Variants in KIF1A observed in about 807,000 individuals in gnomAD.
The protein encoded by KIF1A is kinesin family member 1A.
KIF1A carries 46 observed loss-of-function variants against 227.3 expected under a neutral mutation model. The ratio of observed to expected loss-of-function variants is 0.20; its 90% CI spans 0.16 to 0.26. The LOEUF is 0.26. KIF1A is among the 10% of genes least tolerant of loss of function. The pLI is 1.00. For missense variants in KIF1A, 1,683 were observed against 2,485.9 expected, an observed-to-expected ratio of 0.68 and a Z score of 6.87; for synonymous variants, 1,022 against 1,012.8, an observed-to-expected ratio of 1.01 and a Z score of -0.17.
intron 14 of KIF1A, chr2:240,771,392 T>G: frequency 4.2e-6 from 2 of 472,634 alleles, no homozygotes; most frequent in Non-Finnish European, 3.9e-6. Flanking sequence ...TGGCGCGCAC[T>G]TGCCCGCCTG....
chr2:240,753,103 A>G (rs930018349), intron 27 of KIF1A, among the ~76,000 whole-genome samples: 1 of 152,192 alleles, frequency 6.6e-6, no homozygotes, highest in African/African-American at 2.4e-5. Flanking sequence ...CACAAAGGTG[A>G]CCCACCAACT....
rs183665052 is a variant in KIF1A at position 240,746,571 on chromosome 2, G to A, written c.3064-394C>T. Among the ~76,000 whole-genome samples the A allele has an allele frequency of 4.3e-4, 65 of 152,338 alleles. 1 individual carries two copies. The highest frequency in any genetic ancestry group is 7.8e-4 in the Non-Finnish European group (53 of 68,040). On this transcript the variant is annotated intron_variant, in intron 29 of 48. Transcript: ENST00000498729. Reference sequence around the variant, plus strand: ...ACTGACAGCCCCTCCAAGAGAAAAGGCATTGGGCAGACAGACCACCCTCGC... The same window carrying A: ...ACTGACAGCCCCTCCAAGAGAAAAGACATTGGGCAGACAGACCACCCTCGC...
intron 44 of KIF1A, 23 bp from the exon 45 acceptor site, chr2:240,721,061 A>AG: frequency 6.2e-7 from 1 of 1,610,280 alleles, no homozygotes; most frequent in Non-Finnish European, 8.5e-7. Context: ...GGCCTTTTTC[A>AG]GGGGACACAG....
chr2:240,782,161 C>A, intron 10 of KIF1A: 1 of 985,392 alleles, frequency 1.0e-6, no homozygotes, highest in Non-Finnish European at 1.2e-6. Context: ...ACCTCCGACT[C>A]CACACGCGCC....
intron 14 of KIF1A, among the ~76,000 whole-genome samples, chr2:240,771,476 C>A (rs890626655): frequency 6.6e-6 from 1 of 152,116 alleles, no homozygotes; most frequent in African/African-American, 2.4e-5. Context: ...GCACCCCCTG[C>A]GCCAGGCTTC....
At position 240,726,852 on chromosome 2, in the gene KIF1A, A is replaced by G. The variant is rs2125632818; in HGVS notation, c.4096T>C (p.Tyr1366His). Residue 1366 changes from tyrosine to histidine, a missense_variant, in exon 39 of 49, where the codon TAC becomes CAC. Physicochemically the swap from Tyr to His is moderately conservative, Grantham distance 83. Coordinates refer to ENST00000498729, the MANE Select transcript of KIF1A (RefSeq NM_001244008.2). The surrounding 1 kb of genome is among the most constrained non-coding windows in gnomAD (Gnocchi z 5.2). ...NRVTPYREKIYMTLSAYIEME... is the reference protein window; with the variant it reads ...NRVTPYREKIHMTLSAYIEME... ...TCGATATAAGCGGAGAGTGTCATGT[A>G]GATTTTCTCTCGATAAGGGGTGACC... 2 of 1,611,492 alleles carry G rather than the reference A, an allele frequency of 1.2e-6. No individual in the cohort carries two copies. The highest frequency in any genetic ancestry group is 1.7e-6 in the Non-Finnish European group (2 of 1,178,554).
chr2:240,819,606 G>C (rs1259776888), intron 1 of KIF1A, among the ~76,000 whole-genome samples: 1 of 150,816 alleles, frequency 6.6e-6, no homozygotes, highest in Non-Finnish European at 1.5e-5. Context: ...CGCCCTGCGC[G>C]CTCTCCCCTC....
intron 25 of KIF1A, among the ~76,000 whole-genome samples, chr2:240,759,585 G>GATGGGC (rs112650871): frequency 0.034 from 5,113 of 151,738 alleles, 134 homozygotes; most frequent in Middle Eastern, 0.1. Context: ...ACTCCTCTCT[G>GATGGGC]CCTGGTGCCT....
chr2:240,784,969 C>G lies in KIF1A; in HGVS notation c.720+20G>C. 1 of 1,600,840 alleles carries G rather than the reference C, an allele frequency of 6.2e-7. No homozygotes were observed. The highest frequency in any genetic ancestry group is 8.6e-7 in the Non-Finnish European group (1 of 1,168,390). On this transcript the variant is annotated intron_variant, in intron 7 of 48. Coordinates refer to ENST00000498729, the MANE Select transcript of KIF1A (RefSeq NM_001244008.2). ...CAGCCACTGCCCTTGGTGGCACCGC[C>G]TGTGAGGCCACTCACTCACCTTCTC... is the stretch of plus-strand genomic sequence containing the variant.
chr2:240,723,678 T>C, intron 41 of KIF1A, 120 bp from the exon 42 acceptor site: 1 of 1,182,338 alleles, frequency 8.5e-7, no homozygotes, highest in Non-Finnish European at 1.2e-6. Flanking sequence ...GGGCTTCCCC[T>C]GGTCCTTGGT....
intron 38 of KIF1A, among the ~76,000 whole-genome samples, chr2:240,732,240 A>AGGGGATGAGGCAT: frequency 2.8e-5 from 2 of 72,302 alleles, no homozygotes; most frequent in African/African-American, 6.0e-5. Context: ...CATGAGGGGA[A>AGGGGATGAGGCAT]GAGGGGATGA....
At chr2:240,804,438 GA>G (rs903671775) in intron 1 of KIF1A, among the ~76,000 whole-genome samples, 9 of 152,214 alleles carry the variant, frequency 5.9e-5, no homozygotes, top group African/African-American at 2.2e-4. Flanking sequence ...AGAAGGAAAG[GA>G]AAAAGAGGAA....
chr2:240,799,432 C>G (rs1356151805), intron 1 of KIF1A, among the ~76,000 whole-genome samples: 1 of 152,174 alleles, frequency 6.6e-6, no homozygotes, highest in Non-Finnish European at 1.5e-5. Context: ...ATGTGCCAGG[C>G]CACCCTATGG....
In KIF1A at chr2:240,815,959, TTC is replaced by T. The variant is rs145704881; in HGVS notation, c.-61+4161_-61+4162del. Among the ~76,000 whole-genome samples the T allele has an allele frequency of 6.1e-4, 93 of 152,220 alleles. No individual in the cohort carries two copies. In the East Asian group the frequency reaches 0.017, roughly 27 times the overall value. On this transcript the variant is annotated intron_variant, in intron 1 of 48. Transcript: ENST00000498729. Reference sequence around the variant, plus strand: ...TGCACAGTGCAGGCTATGACCAGTGTTCTCTGTCTTCTTCCCCACCCCTGGAA... The same window carrying T: ...TGCACAGTGCAGGCTATGACCAGTGTTCTGTCTTCTTCCCCACCCCTGGAA...
intron 29 of KIF1A, 29 bp from the exon 30 acceptor site, chr2:240,746,206 G>A (rs560578747): frequency 6.5e-7 from 1 of 1,548,648 alleles, no homozygotes; most frequent in South Asian, 1.2e-5. Context: ...GAGTCAGAGA[G>A]AGCCAGGAGC....
chr2:240,788,041 CGCTT>C lies in KIF1A; in HGVS notation c.363+6_363+9del. 6.6e-7 allele frequency: 1 copy of C among 1,520,678 alleles called. No individual in the cohort carries two copies. The highest frequency in any genetic ancestry group is 8.9e-7 in the Non-Finnish European group (1 of 1,121,310). 94.2% of individuals were successfully genotyped at this position (1,520,678 alleles called of 1,614,324 possible). ...GCCAGGGCTGCCCCCGCCCGCCCCC[CGCTT>C]CGTGCCTGTGGGATGATGCCCTGCT... On this transcript the variant is annotated splice_donor_region_variant and intron_variant, in intron 4 of 48. Coordinates refer to ENST00000498729, the MANE Select transcript of KIF1A (RefSeq NM_001244008.2). This position sits in a 1 kb window ranked among gnomAD's most constrained non-coding sequence, Gnocchi z 6.6.
chr2:240,721,020 T>C lies in KIF1A; in HGVS notation c.4762A>G (p.Thr1588Ala), dbSNP rs1280317566. The change falls in exon 45 of 49, where the codon ACC becomes GCC. Residue 1588 changes from threonine to alanine, a missense_variant. Coordinates refer to ENST00000498729, the MANE Select transcript of KIF1A (RefSeq NM_001244008.2). ...GACATCGACGGGTCCCGGAGCAGGG[T>C]GACAGACATCTCGGAGAGCTGCGGA... ...SESKLSEMSVTLLRDPSMSPL... is the reference protein window; with the variant it reads ...SESKLSEMSVALLRDPSMSPL... The C allele has an allele frequency of 1.2e-6, 2 of 1,611,384 alleles. No homozygotes were observed. The highest frequency in any genetic ancestry group is 2.2e-5 in the East Asian group (1 of 44,834).
chr2:240,728,918 A>G (rs1161309392), intron 38 of KIF1A, among the ~76,000 whole-genome samples: 1 of 152,170 alleles, frequency 6.6e-6, no homozygotes, highest in Non-Finnish European at 1.5e-5. Flanking sequence ...CCCTACCTCA[A>G]GATGTCTTGC....
chr2:240,727,651 A>C (rs965786634), intron 38 of KIF1A, among the ~76,000 whole-genome samples: 2 of 152,094 alleles, frequency 1.3e-5, no homozygotes, highest in African/African-American at 2.4e-5. Flanking sequence ...CTGTGTTCCT[A>C]ATCTCCACCC....
Sources: gnomAD v4.1 joint callset for allele counts (sites outside exome capture counted in the v4.1 genomes callset) on GRCh38, gnomAD v4.1.1 for gene constraint, Gnocchi (gnomAD v3.1) non-coding constraint, MANE v1.5 for transcripts, NCBI Gene and HGNC (gene_info 2026-07-23, HGNC 2026-07-21) for gene names.